Variants in VPS13B observed in about 807,000 individuals in gnomAD.
The protein encoded by VPS13B is intermembrane lipid transfer protein VPS13B.
Under a neutral mutation model 426.4 loss-of-function variants are expected in VPS13B, and 285 were observed. The ratio of observed to expected loss-of-function variants is 0.67; its 90% CI spans 0.61 to 0.74. The LOEUF (loss-of-function observed/expected upper bound fraction) is 0.74, where lower values mean the gene tolerates loss of function less well. Among genes scored for constraint, VPS13B ranks in the 30% least tolerant of loss-of-function variants. The probability of loss-of-function intolerance (pLI) is 0.00; values close to 1 mark genes in which losing one functional copy is unlikely to be tolerated. For synonymous variants in VPS13B, 1,676 were observed against 1,676.4 expected (o/e 1.00, Z 0.01); for missense variants, 4,537 against 4,782.6 (o/e 0.95, Z 1.51).
chr8:99,396,308 A>G (rs943649040), intron 21 of VPS13B, among the ~76,000 whole-genome samples: 2 of 152,182 alleles, frequency 1.3e-5, no homozygotes, highest in Admixed American at 6.5e-5. Flanking sequence ...AATTAAGACT[A>G]TTGAGTCACA....
intron 33 of VPS13B, among the ~76,000 whole-genome samples, chr8:99,587,479 C>T (rs886652641): frequency 2.0e-5 from 3 of 151,762 alleles, no homozygotes; most frequent in African/African-American, 7.3e-5. Flanking sequence ...TCCTCCCCAG[C>T]ACCTGTTGTT....
chr8:99,266,166 A>G (rs1049740769), intron 17 of VPS13B, among the ~76,000 whole-genome samples: 2 of 152,142 alleles, frequency 1.3e-5, no homozygotes, highest in Admixed American at 1.3e-4. Flanking sequence ...GAGAGGTCTC[A>G]GTGAGTCTTA....
At chr8:99,273,315 C>T (rs957826298) in intron 17 of VPS13B, among the ~76,000 whole-genome samples, 22 of 143,234 alleles carry the variant, frequency 1.5e-4, no homozygotes, top group African/African-American at 4.9e-4. Flanking sequence ...CATGCCACCA[C>T]GCCCAGCTAA....
intron 16 of VPS13B, among the ~76,000 whole-genome samples, chr8:99,174,568 ATC>A (rs1812527630): frequency 6.6e-6 from 1 of 152,290 alleles, no homozygotes; most frequent in Middle Eastern, 3.4e-3. Flanking sequence ...AATGTTGACC[ATC>A]TTTTCATGTC....
intron 40 of VPS13B, among the ~76,000 whole-genome samples, chr8:99,775,566 C>G (rs977139568): frequency 3.3e-5 from 5 of 152,164 alleles, no homozygotes; most frequent in Non-Finnish European, 7.4e-5. Context: ...AGACATCTTC[C>G]CTTCTATGGA....
chr8:99,741,023 A>G (rs1199762690), intron 39 of VPS13B, among the ~76,000 whole-genome samples: 2 of 152,228 alleles, frequency 1.3e-5, no homozygotes, highest in East Asian at 3.8e-4. Context: ...AAAGAAACAG[A>G]CTGGCAAATT....
intron 57 of VPS13B, among the ~76,000 whole-genome samples, chr8:99,860,266 G>A (rs896102850): frequency 6.6e-6 from 1 of 152,200 alleles, no homozygotes; most frequent in African/African-American, 2.4e-5. Flanking sequence ...TAGAGCGGGT[G>A]AGGGACTGTG....
chr8:99,556,686 C>G lies in VPS13B; in HGVS notation c.4949+33C>G, dbSNP rs201488402. ...ATGATTGAGAAACTTTCTACTCTTTCTAATACTTCATTGCCAGAATAGTTG... is the reference window on the plus strand; with the variant it reads ...ATGATTGAGAAACTTTCTACTCTTTGTAATACTTCATTGCCAGAATAGTTG... On this transcript the variant is annotated intron_variant, in intron 31 of 61. Transcript: ENST00000357162. 3 of 1,601,970 alleles carry G rather than the reference C, an allele frequency of 1.9e-6. No individual in the cohort carries two copies. The Admixed American group carries it at 5.1e-5, about 27-fold the overall frequency.
chr8:99,503,024 T>G (rs1452263187), intron 27 of VPS13B, 74 bp downstream of exon 27: 1 of 1,164,172 alleles, frequency 8.6e-7, no homozygotes, highest in African/African-American at 1.5e-5. Flanking sequence ...CTTTTTCTAT[T>G]TTAATTTGGC....
At position 99,428,469 on chromosome 8, in the gene VPS13B, C is replaced by A. The variant is rs529320845; in HGVS notation, c.3083-3068C>A. The stretch of plus-strand genomic sequence containing the variant: ...AAAAACAACCCCATCAAAAAGTGGG[C>A]GAAGGATATGAGCAGACACTTCTCA... On this transcript the variant is annotated intron_variant, in intron 21 of 61. Coordinates refer to ENST00000357162, the MANE Select transcript of VPS13B (RefSeq NM_152564.5). Among the ~76,000 whole-genome samples the A allele has an allele frequency of 2.6e-5, 4 of 152,214 alleles. No individual in the cohort carries two copies. In the South Asian group the frequency reaches 8.3e-4, roughly 32 times the overall value.
At chr8:99,252,670 A>G (rs1361997528) in intron 17 of VPS13B, among the ~76,000 whole-genome samples, 2 of 152,040 alleles carry the variant, frequency 1.3e-5, no homozygotes, top group Admixed American at 1.3e-4. Flanking sequence ...TTTCAGCTCT[A>G]TCTCTTTCTG....
chr8:99,268,525 T>C (rs1037304307), intron 17 of VPS13B, among the ~76,000 whole-genome samples: 1 of 152,210 alleles, frequency 6.6e-6, no homozygotes, highest in Non-Finnish European at 1.5e-5. Flanking sequence ...TTTGGAACTT[T>C]AAGATTTAAT....
At chr8:99,602,140 T>C (rs1013198914) in intron 33 of VPS13B, among the ~76,000 whole-genome samples, 2 of 152,210 alleles carry the variant, frequency 1.3e-5, no homozygotes, top group African/African-American at 2.4e-5. Context: ...AGTTCTAAAA[T>C]TTAAGTCTTT....
At chr8:99,234,215 G>A (rs1816515357) in intron 17 of VPS13B, 6 of 776,266 alleles carry the variant, frequency 7.7e-6, no homozygotes, top group South Asian at 1.3e-5. Flanking sequence ...ACTGATGCCC[G>A]CTTAGCTCCT....
At position 99,873,253 on chromosome 8, in the gene VPS13B, G is replaced by C. The variant is rs537258973; in HGVS notation, c.11745+1556G>C. 2.0e-5 allele frequency: 3 copies of C among 152,242 alleles called. No homozygotes were observed. In the South Asian group the frequency reaches 6.2e-4, roughly 32 times the overall value. The allele number at this position is 152,242 out of a possible 1,614,324, so 9.4% of individuals were successfully genotyped here. A position where few individuals can be genotyped will look rare whatever the true frequency, so the allele number is the denominator to read the frequency against. On this transcript the variant is annotated intron_variant, in intron 61 of 61. Transcript: ENST00000357162. ...TGTCTTCAACTGTGATCCTTCTCTT[G>C]TATTTTTGTTTGAGGCAGGTACTGT...
intron 61 of VPS13B, chr8:99,874,982 T>G (rs1257368089): frequency 4.6e-6 from 1 of 218,264 alleles, no homozygotes; most frequent in Non-Finnish European, 9.2e-6. Context: ...ACGTTCTATC[T>G]GAAGAGGTTT....
At chr8:99,116,636 G>T (rs76504341) in intron 7 of VPS13B, among the ~76,000 whole-genome samples, 12,371 of 151,166 alleles carry the variant, frequency 0.082, 839 homozygotes, top group African/African-American at 0.18. Flanking sequence ...GTTTTGCTAT[G>T]TTGCCCAGGC....
chr8:99,037,758 A>C (rs1294143157), intron 2 of VPS13B, among the ~76,000 whole-genome samples: 1 of 152,130 alleles, frequency 6.6e-6, no homozygotes, highest in Non-Finnish European at 1.5e-5. Context: ...TCTAATGATA[A>C]TGAAAAGCAG....
chr8:99,714,328 G>C (rs1005962194), intron 36 of VPS13B, among the ~76,000 whole-genome samples: 1 of 152,040 alleles, frequency 6.6e-6, no homozygotes, highest in African/African-American at 2.4e-5. Context: ...TAGTATATGG[G>C]GTAGAAGGGA....
Sources: gnomAD v4.1 joint callset for allele counts (sites outside exome capture counted in the v4.1 genomes callset) on GRCh38, gnomAD v4.1.1 for gene constraint, MANE v1.5 for transcripts, NCBI Gene and HGNC (gene_info 2026-07-23, HGNC 2026-07-21) for gene names.